The following KATNBL1 variants were observed in gnomAD, a reference collection of about 807,000 sequenced individuals.
KATNBL1 encodes the protein KATNB1-like protein 1.
Under a neutral mutation model 44.7 loss-of-function variants are expected in KATNBL1, and 28 were observed. The ratio of observed to expected loss-of-function variants is 0.63; its 90% CI spans 0.46 to 0.86. KATNBL1 has a LOEUF of 0.86. Among genes scored for constraint, KATNBL1 ranks in the 40% least tolerant of loss-of-function variants. KATNBL1 has a pLI of 0.00. For missense variants in KATNBL1, 272 were observed against 350.7 expected (o/e 0.78, Z 1.79); for synonymous variants, 78 against 114.9 (o/e 0.68, Z 2.06).
At chr15:34,190,520 T>C (rs530287874) in intron 1 of KATNBL1, among the ~76,000 whole-genome samples, 2 of 152,354 alleles carry the variant, frequency 1.3e-5, no homozygotes, top group African/African-American at 4.8e-5. Context: ...AAAACTCTTG[T>C]ATACTCAAAA....
At chr15:34,142,991 T>C (rs1567514492) in intron 9 of KATNBL1, 8 of 1,090,042 alleles carry the variant, frequency 7.3e-6, no homozygotes, top group Non-Finnish European at 9.8e-6. Flanking sequence ...ATTACAGGCA[T>C]GAGCCACCTT....
rs760585192 is a variant in KATNBL1 at position 34,147,405 on chromosome 15, C to A, written c.583G>T (p.Asp195Tyr). 1 of 1,613,404 alleles carries A rather than the reference C, an allele frequency of 6.2e-7. No individual in the cohort carries two copies. The highest frequency in any genetic ancestry group is 1.1e-5 in the South Asian group (1 of 91,044). ...CAATTGGTGAGCACAGGAAGGCAATCTACCACAACGCCAAGATCTTCTATC... is the reference window on the plus strand; with the variant it reads ...CAATTGGTGAGCACAGGAAGGCAATATACCACAACGCCAAGATCTTCTATC... The part of the protein sequence containing the change: ...LRIEDLGVVV[D>Y]CLPVLTNCLQ... The change falls in exon 6 of 10, where the codon GAT becomes TAT. Residue 195 changes from aspartate (D) to tyrosine (Y), a missense_variant. Around this residue, in one of 3 missense-constraint regions of KATNBL1, gnomAD observed 111 missense variants for 149.3 expected, o/e 0.74. Coordinates refer to ENST00000256544, the MANE Select transcript of KATNBL1 (RefSeq NM_024713.3).
chr15:34,196,942 A>G (rs1245111675), intron 1 of KATNBL1, among the ~76,000 whole-genome samples: 1 of 152,200 alleles, frequency 6.6e-6, no homozygotes, highest in Non-Finnish European at 1.5e-5. Flanking sequence ...GACTACCCAA[A>G]GCATTACAAT....
intron 1 of KATNBL1, among the ~76,000 whole-genome samples, chr15:34,204,989 GTTT>G (rs565440431): frequency 2.2e-5 from 3 of 136,424 alleles, no homozygotes; most frequent in Admixed American, 7.5e-5. Flanking sequence ...AAGAGGGACA[GTTT>G]TTTTTTTTTT....
At position 34,147,277 on chromosome 15, in the gene KATNBL1, T is replaced by C; in HGVS notation, c.621A>G (p.Glu207=). 1 of 1,612,954 alleles carries C rather than the reference T, an allele frequency of 6.2e-7. No individual in the cohort carries two copies. Among genetic ancestry groups the C allele is most frequent in the Non-Finnish European group, 8.5e-7 (1 of 1,179,130 alleles). The change falls in exon 7 of 10, where the codon GAA becomes GAG. Residue 207 remains glutamate, a synonymous_variant. Coordinates refer to ENST00000256544, the MANE Select transcript of KATNBL1 (RefSeq NM_024713.3). ...LPVLTNCLQE[E]KQYISLGCCV... ...AGCAGCCAAGTGAGATATATTGTTT[T>C]TCTTCCTGTAAACTAAAATAAATAC...
rs981149162 is a variant in KATNBL1 at position 34,193,305 on chromosome 15, A to G, written c.-15+16646T>C. 5.3e-5 allele frequency among the ~76,000 whole-genome samples: 8 copies of G among 151,382 alleles called. No individual in the cohort carries two copies. In the East Asian group the frequency reaches 7.8e-4, roughly 15 times the overall value. On this transcript the variant is annotated intron_variant, in intron 1 of 9. Coordinates refer to ENST00000256544, the MANE Select transcript of KATNBL1 (RefSeq NM_024713.3). Reference sequence around the variant, plus strand: ...TCCCAGCACTTTGGGAGGCTGAGGCAGGCATATCACTTGAGGCCAGGAGTT... The same window carrying G: ...TCCCAGCACTTTGGGAGGCTGAGGCGGGCATATCACTTGAGGCCAGGAGTT...
At position 34,152,951 on chromosome 15, in the gene KATNBL1, C is replaced by A; in HGVS notation, c.277G>T (p.Gly93Trp). The part of the protein sequence containing the change: ...CYRKKQSPGS[G>W]GCDMANKENE... ...TCTTTATTTGCCATGTCACAGCCCC[C>A]ACTTCCAGGGGACTGTTTTTTTCTG... is the stretch of plus-strand genomic sequence containing the variant. Residue 93 changes from glycine (G) to tryptophan (W), a missense_variant, in exon 4 of 10, where the codon GGG becomes TGG. Transcript: ENST00000256544. The A allele has an allele frequency of 6.2e-7, 1 of 1,614,160 alleles. No individual in the cohort carries two copies. The highest frequency in any genetic ancestry group is 8.5e-7 in the Non-Finnish European group (1 of 1,180,010).
rs192899081 is a variant in KATNBL1, at chr15:34,145,432, G to T, written c.848C>A (p.Thr283Asn). 1.4e-6 allele frequency: 2 copies of T among 1,470,656 alleles called. No homozygotes were observed. The highest frequency in any genetic ancestry group is 1.8e-6 in the Non-Finnish European group (2 of 1,116,488). 91.1% of individuals were successfully genotyped at this position (1,470,656 alleles called of 1,614,324 possible). The change falls in exon 9 of 10, where the codon ACT becomes AAT. Residue 283 changes from threonine (T) to asparagine (N), a missense_variant. Thr to Asn is a moderately conservative substitution (Grantham distance 65). Transcript: ENST00000256544. ...SGLWEQENHL[T>N]LVPGYTGNIA... is the part of the protein sequence containing the mutation. Reference sequence around the variant, plus strand: ...ATTACCAGTATATCCTGGAACCAAAGTAAGATGGTTTTCCTGTTCCCATAA... The same window carrying T: ...ATTACCAGTATATCCTGGAACCAAATTAAGATGGTTTTCCTGTTCCCATAA...
intron 1 of KATNBL1, among the ~76,000 whole-genome samples, chr15:34,196,122 A>C (rs554548647): frequency 1.2e-4 from 19 of 152,232 alleles, no homozygotes; most frequent in Admixed American, 5.2e-4. Context: ...ATTTCAATTT[A>C]AAATCTAAAA....
chr15:34,195,616 G>C (rs1890007837), intron 1 of KATNBL1, among the ~76,000 whole-genome samples: 1 of 151,444 alleles, frequency 6.6e-6, no homozygotes, highest in Non-Finnish European at 1.5e-5. Context: ...GCTTGAACCT[G>C]GGAGGTGGAG....
At chr15:34,151,121 T>C (rs988669294) in intron 4 of KATNBL1, among the ~76,000 whole-genome samples, 6 of 152,224 alleles carry the variant, frequency 3.9e-5, no homozygotes, top group African/African-American at 1.4e-4. Flanking sequence ...TTTGGGTATA[T>C]ATCCAATAAT....
At chr15:34,159,947 C>T (rs762097896) in intron 2 of KATNBL1, among the ~76,000 whole-genome samples, 131 of 152,174 alleles carry the variant, frequency 8.6e-4, no homozygotes, top group Non-Finnish European at 1.1e-3. Context: ...AACTGAGGAG[C>T]GAGCTGCTCC....
At position 34,150,015 on chromosome 15, in the gene KATNBL1, T is replaced by A. The variant is rs75919013; in HGVS notation, c.439-1265A>T. On this transcript the variant is annotated intron_variant, in intron 4 of 9. Transcript: ENST00000256544. ...AATATGTGCACTTGTACAGACACTT[T>A]TGTTAAAATTAATTTTACAATTGGA... Among the ~76,000 whole-genome samples the A allele has an allele frequency of 3.4e-3, 523 of 152,378 alleles. 4 individuals are homozygous for A. Among genetic ancestry groups the A allele is most frequent in the African/African-American group, 0.012 (499 of 41,588 alleles).
chr15:34,195,070 T>C (rs757962954), intron 1 of KATNBL1, among the ~76,000 whole-genome samples: 2 of 152,340 alleles, frequency 1.3e-5, no homozygotes, highest in African/African-American at 4.8e-5. Flanking sequence ...GGAACCACTA[T>C]ATGATCCAGC....
intron 1 of KATNBL1, among the ~76,000 whole-genome samples, chr15:34,196,768 T>C (rs11073010): frequency 0.54 from 82,190 of 152,072 alleles, 23,780 homozygotes; most frequent in East Asian, 0.72. Context: ...ACATAATGTA[T>C]GATGCATCAT....
chr15:34,142,447 G>A (rs566602140), intron 9 of KATNBL1, 76 bp from the exon 10 acceptor site: 1 of 1,465,718 alleles, frequency 6.8e-7, no homozygotes, highest in Admixed American at 2.5e-5. Context: ...TTTTTTTGTT[G>A]TTGCTTAATT....
chr15:34,198,496 T>C (rs1331314627), intron 1 of KATNBL1, among the ~76,000 whole-genome samples: 2 of 152,252 alleles, frequency 1.3e-5, no homozygotes, highest in African/African-American at 4.8e-5. Flanking sequence ...TTTAGAGTCA[T>C]TTTACAGAAA....
chr15:34,205,300 T>C (rs140462419), intron 1 of KATNBL1, among the ~76,000 whole-genome samples: 148 of 152,236 alleles, frequency 9.7e-4, no homozygotes, highest in African/African-American at 3.5e-3. Context: ...AGAGTGCCAG[T>C]TTTTAAATGC....
chr15:34,143,793 CAAAA>C (rs560420668), intron 9 of KATNBL1, among the ~76,000 whole-genome samples: 3 of 64,178 alleles, frequency 4.7e-5, no homozygotes, highest in Non-Finnish European at 8.8e-5. Flanking sequence ...ACTAAAAATA[CAAAA>C]AAAAAAAAAA....
Sources: allele counts gnomAD v4.1 joint callset (sites outside exome capture counted in the v4.1 genomes callset), GRCh38; gene constraint gnomAD v4.1.1; regional missense constraint gnomAD v4.1.1; transcripts MANE v1.5; gene names NCBI Gene and HGNC (gene_info 2026-07-23, HGNC 2026-07-21).